The following ANKAR variants were observed in gnomAD, a reference collection of about 807,000 sequenced individuals.
The protein encoded by ANKAR is ankyrin and armadillo repeat-containing protein.
ANKAR carries 136 observed loss-of-function variants against 146.2 expected under a neutral mutation model. The observed-to-expected ratio is 0.93, with a 90% CI of 0.81 to 1.07. ANKAR has a LOEUF of 1.07. Among genes scored for constraint, ANKAR ranks in the 50% least tolerant of loss-of-function variants. The probability of loss-of-function intolerance (pLI) is 0.00; values close to 1 mark genes in which losing one functional copy is unlikely to be tolerated. For missense variants in ANKAR, 1,567 were observed against 1,679.9 expected, an observed-to-expected ratio of 0.93 and a Z score of 1.18; for synonymous variants, 500 against 575.8, an observed-to-expected ratio of 0.87 and a Z score of 1.88.
At chr2:189,703,334 T>G (rs1411796731) in intron 7 of ANKAR, among the ~76,000 whole-genome samples, 1 of 152,078 alleles carries the variant, frequency 6.6e-6, no homozygotes, top group Non-Finnish European at 1.5e-5. Context: ...GTGGTGGTGG[T>G]AGAGATGGGT....
chr2:189,692,416 C>T lies in ANKAR; in HGVS notation c.1201C>T (p.Gln401Ter), dbSNP rs753380332. Reference sequence around the variant, plus strand: ...AATTGAGAATGCCTTGGAAGATTTTCAGGTTTAAATGATCATTCCTTAGAC... The same window carrying T: ...AATTGAGAATGCCTTGGAAGATTTTTAGGTTTAAATGATCATTCCTTAGAC... ...PSIENALEDF[Q>*]KNLEKIRDCA... is the part of the protein sequence containing the mutation. The change falls in exon 4 of 23, where the codon CAG (glutamine) becomes TAG (stop). Residue 401 changes from glutamine to a stop codon, truncating the protein, a stop_gained and splice_region_variant. Transcript: ENST00000684021. LOFTEE classifies it high-confidence loss of function. The T allele has an allele frequency of 1.5e-5, 24 of 1,605,692 alleles. No individual in the cohort carries two copies. Among genetic ancestry groups the T allele is most frequent in the Non-Finnish European group, 2.0e-5 (24 of 1,177,376 alleles).
At chr2:189,678,540 T>G (rs2034131533) in intron 2 of ANKAR, among the ~76,000 whole-genome samples, 1 of 152,196 alleles carries the variant, frequency 6.6e-6, no homozygotes, top group Non-Finnish European at 1.5e-5. Context: ...TTTGTCCGAG[T>G]TATCTTCTAC....
chr2:189,718,090 A>AAAAT (rs57344061), intron 10 of ANKAR, among the ~76,000 whole-genome samples: 148,399 of 152,140 alleles, frequency 0.98, 72,435 homozygotes, highest in East Asian at 1. Context: ...GTATAATAAA[A>AAAAT]AAATAAAATA....
At chr2:189,751,634 G>A (rs2045259395), downstream of ANKAR, among the ~76,000 whole-genome samples, 2 of 150,634 alleles carry the variant, frequency 1.3e-5, no homozygotes, top group African/African-American at 2.4e-5. Context: ...CAGTAGAGAC[G>A]GGGTTTCACC....
intron 7 of ANKAR, among the ~76,000 whole-genome samples, chr2:189,698,583 G>A (rs2037591579): frequency 6.6e-6 from 1 of 152,180 alleles, no homozygotes; most frequent in African/African-American, 2.4e-5. Context: ...TTCATACTCT[G>A]TATAAGAGAA....
At chr2:189,758,348 T>C (rs1004082009) in intron 18 of ANKAR, among the ~76,000 whole-genome samples, 2 of 151,814 alleles carry the variant, frequency 1.3e-5, no homozygotes, top group African/African-American at 4.8e-5. Context: ...ACCATTGCAC[T>C]CTGGTCTGGG....
chr2:189,676,344 C>A, intron 1 of ANKAR, 112 bp from the exon 2 acceptor site: 1 of 930,058 alleles, frequency 1.1e-6, no homozygotes, highest in Non-Finnish European at 1.5e-6. Flanking sequence ...AATGGTTGAC[C>A]ATGAAAAATT....
At chr2:189,740,238 C>A (rs1374073356) in intron 19 of ANKAR, among the ~76,000 whole-genome samples, 1 of 152,220 alleles carries the variant, frequency 6.6e-6, no homozygotes, top group East Asian at 1.9e-4. Flanking sequence ...TCTTTCTTAG[C>A]TGCTCCCTTG....
At chr2:189,745,036 C>CTACTACTACTACTACTACT (rs1553537073) in intron 22 of ANKAR, among the ~76,000 whole-genome samples, 5 of 93,962 alleles carry the variant, frequency 5.3e-5, no homozygotes, top group African/African-American at 5.7e-5. Flanking sequence ...ACTAATAATA[C>CTACTACTACTACTACTACT]AAAAATTAGC....
rs540894012 is a variant in ANKAR at position 189,744,811 on chromosome 2, A to G, written c.4057+23A>G. The G allele has an allele frequency of 4.0e-6, 6 of 1,516,668 alleles. No individual in the cohort carries two copies. In the African/African-American group the frequency reaches 4.1e-5, roughly 10 times the overall value. The allele number at this position is 1,516,668 out of a possible 1,614,324, so 94.0% of individuals were successfully genotyped here. On this transcript the variant is annotated intron_variant, in intron 22 of 22. Transcript: ENST00000684021. ...GAGGTAATTGATTTTTCTTTTATCT[A>G]TGAAGTACCTTCTAGCCCAGACACT...
At chr2:189,718,784 C>T (rs990451625) in intron 10 of ANKAR, among the ~76,000 whole-genome samples, 4 of 149,812 alleles carry the variant, frequency 2.7e-5, no homozygotes, top group African/African-American at 7.4e-5. Flanking sequence ...GCTCTGTCGC[C>T]CAGGCCGGAC....
chr2:189,689,305 A>T (rs993733365), intron 2 of ANKAR, among the ~76,000 whole-genome samples: 5 of 152,180 alleles, frequency 3.3e-5, no homozygotes, highest in Non-Finnish European at 7.4e-5. Context: ...CCAAGAACTT[A>T]GTTTTTAAGG....
chr2:189,694,063 C>G (rs1305444235), intron 5 of ANKAR, among the ~76,000 whole-genome samples: 1 of 151,766 alleles, frequency 6.6e-6, no homozygotes, highest in African/African-American at 2.4e-5. Context: ...GACCCTATCT[C>G]TACAAAAAAT....
intron 21 of ANKAR, among the ~76,000 whole-genome samples, chr2:189,744,137 G>A (rs1413361958): frequency 6.6e-6 from 1 of 152,158 alleles, no homozygotes; most frequent in Non-Finnish European, 1.5e-5. Flanking sequence ...TATGATAACG[G>A]AAGAGAATAG....
At position 189,674,742 on chromosome 2, in the gene ANKAR, CATCT is replaced by C. The variant is rs1254004342; in HGVS notation, c.-123_-120del. On this transcript the variant is annotated 5_prime_UTR_variant, in exon 1 of 23. Coordinates refer to ENST00000684021, the MANE Select transcript of ANKAR (RefSeq NM_001378068.1). Reference sequence around the variant, plus strand: ...GCGGATTCAAGGCCCCGCGAGAAGCCATCTGAGGCGGCGACGACTGTTCTCAGCC... The same window carrying C: ...GCGGATTCAAGGCCCCGCGAGAAGCCGAGGCGGCGACGACTGTTCTCAGCC... 7.9e-5 allele frequency: 12 copies of C among 152,316 alleles called. No individual in the cohort carries two copies. Among genetic ancestry groups the C allele is most frequent in the Admixed American group, 7.9e-4 (12 of 15,286 alleles). The allele number at this position is 152,316 out of a possible 1,614,324, so 9.4% of individuals were successfully genotyped here.
intron 6 of ANKAR, 25 bp from the exon 7 acceptor site, chr2:189,696,125 C>A: frequency 6.2e-7 from 1 of 1,606,532 alleles, no homozygotes; most frequent in South Asian, 1.1e-5. Context: ...TTTTGATAAA[C>A]TGATTCTGGC....
downstream of ANKAR, among the ~76,000 whole-genome samples, chr2:189,747,692 CTTATTTAT>C (rs900133074): frequency 6.6e-6 from 1 of 151,934 alleles, no homozygotes; most frequent in Non-Finnish European, 1.5e-5. Flanking sequence ...TACTTACTTA[CTTATTTAT>C]TTATTTATTC....
intron 20 of ANKAR, among the ~76,000 whole-genome samples, chr2:189,741,887 C>A (rs188901120): frequency 6.6e-6 from 1 of 152,112 alleles, no homozygotes; most frequent in Admixed American, 6.6e-5. Flanking sequence ...TCTATAAGTA[C>A]GTTGATGACA....
intron 7 of ANKAR, among the ~76,000 whole-genome samples, chr2:189,698,493 T>C (rs2037579448): frequency 6.6e-6 from 1 of 152,074 alleles, no homozygotes; most frequent in African/African-American, 2.4e-5. Context: ...GGTAGTAGAC[T>C]TAACCTCAAT....
Sources: allele counts gnomAD v4.1 joint callset (sites outside exome capture counted in the v4.1 genomes callset), GRCh38; gene constraint gnomAD v4.1.1; transcripts MANE v1.5; gene names NCBI Gene and HGNC (gene_info 2026-07-23, HGNC 2026-07-21).